Variants in ERC1 observed in about 807,000 individuals in gnomAD.
ERC1 encodes RAB6 interacting protein 2.
ERC1 carries 56 observed loss-of-function variants against 132.0 expected under a neutral mutation model. The ratio of observed to expected loss-of-function variants is 0.42; its 90% CI spans 0.34 to 0.53. ERC1 has a LOEUF of 0.53. Ranked by LOEUF, ERC1 falls within the 20% of genes least tolerant of loss-of-function variation. The pLI is 0.03. For missense variants in ERC1, 1,202 were observed against 1,349.9 expected (o/e 0.89, Z 1.72); for synonymous variants, 478 against 476.1 (o/e 1.00, Z -0.05).
At position 1,106,054 on chromosome 12, in the gene ERC1, C is replaced by T. The variant is rs920435417; in HGVS notation, c.1161+1230C>T. Among the ~76,000 whole-genome samples the T allele has an allele frequency of 3.3e-5, 5 of 152,286 alleles. No individual in the cohort carries two copies. The South Asian group carries it at 6.2e-4, about 19-fold the overall frequency. The stretch of plus-strand genomic sequence containing the variant: ...GGCTGTTCAGTATAGTGATTAAGAG[C>T]TTGCTTTCTAAGTTAAACTCCCTGG... On this transcript the variant is annotated intron_variant, in intron 4 of 18. Transcript: ENST00000360905.
chr12:1,053,455 G>A (rs1972396437), intron 2 of ERC1, among the ~76,000 whole-genome samples: 1 of 152,102 alleles, frequency 6.6e-6, no homozygotes, highest in Non-Finnish European at 1.5e-5. Context: ...TTTTTTCATC[G>A]TGGAGCTAAT....
chr12:1,131,487 A>T (rs1034950657), intron 7 of ERC1, among the ~76,000 whole-genome samples: 2 of 151,856 alleles, frequency 1.3e-5, no homozygotes, highest in Non-Finnish European at 2.9e-5. Context: ...ATTGAGGCAG[A>T]GTCTCTCTCT....
intron 15 of ERC1, among the ~76,000 whole-genome samples, chr12:1,363,796 TC>T (rs1256670487): frequency 6.6e-6 from 1 of 152,166 alleles, no homozygotes; most frequent in African/African-American, 2.4e-5. Context: ...GCTCAAGTGA[TC>T]CACCCGCCTC....
rs575694947 is a variant in ERC1, at chr12:1,164,388, C to T, written c.1738-16152C>T. Among the ~76,000 whole-genome samples, 3 of 151,482 alleles carry T rather than the reference C, an allele frequency of 2.0e-5. No homozygotes were observed. In the South Asian group the frequency reaches 6.3e-4, roughly 32 times the overall value. On this transcript the variant is annotated intron_variant, in intron 8 of 18. Transcript: ENST00000360905. Reference sequence around the variant, plus strand: ...GACGGAGTCTCGCTCTGTTGCCCAGCCTGGAGTGCAGTGGCGCTATCTCAG... The same window carrying T: ...GACGGAGTCTCGCTCTGTTGCCCAGTCTGGAGTGCAGTGGCGCTATCTCAG...
chr12:1,183,361 A>T lies in ERC1; in HGVS notation c.2097A>T (p.Leu699=). 6.2e-7 allele frequency: 1 copy of T among 1,600,340 alleles called. No homozygotes were observed. The highest frequency in any genetic ancestry group is 1.3e-5 in the African/African-American group (1 of 74,924). Residue 699 remains leucine, a synonymous_variant, in exon 11 of 19, where the codon CTA becomes CTT. Coordinates refer to ENST00000360905, the MANE Select transcript of ERC1 (RefSeq NM_178040.4). The part of the protein sequence containing the change: ...GLKKDSRLKT[L]EIALEQKKEE... The stretch of plus-strand genomic sequence containing the variant: ...AAAAGGACTCACGGCTTAAGACACT[A>T]GAGATTGCTTTGGAGCAGAAGAAGG...
chr12:1,004,310 T>C (rs1278239235), intron 1 of ERC1, among the ~76,000 whole-genome samples: 1 of 151,748 alleles, frequency 6.6e-6, no homozygotes, highest in Non-Finnish European at 1.5e-5. Flanking sequence ...ATTGGATGCT[T>C]CCCCCCCTTT....
intron 15 of ERC1, among the ~76,000 whole-genome samples, chr12:1,309,882 T>C (rs2081163169): frequency 6.6e-6 from 1 of 152,186 alleles, no homozygotes; most frequent in Non-Finnish European, 1.5e-5. Flanking sequence ...TTTCCTCGTC[T>C]ATAGAGTGGT....
chr12:1,043,083 G>A (rs1479912879), intron 2 of ERC1, among the ~76,000 whole-genome samples: 5 of 139,144 alleles, frequency 3.6e-5, no homozygotes, highest in African/African-American at 8.2e-5. Flanking sequence ...TTGCTCTCTC[G>A]CCCAGGCTGG....
chr12:1,010,341 C>T (rs1370528675), intron 1 of ERC1, among the ~76,000 whole-genome samples: 6 of 151,430 alleles, frequency 4.0e-5, no homozygotes, highest in African/African-American at 4.8e-5. Flanking sequence ...ATTAGCTGGG[C>T]GTGGTGGCGG....
At chr12:1,018,274 T>C (rs1003915326) in intron 1 of ERC1, among the ~76,000 whole-genome samples, 2 of 152,198 alleles carry the variant, frequency 1.3e-5, no homozygotes, top group African/African-American at 2.4e-5. Context: ...TGGTCTCAGC[T>C]CACTGCAACT....
chr12:1,267,380 G>A (rs2077546386), intron 14 of ERC1, among the ~76,000 whole-genome samples: 1 of 152,194 alleles, frequency 6.6e-6, no homozygotes, highest in Admixed American at 6.5e-5. Context: ...AATTGCCAGG[G>A]GCTAAGGAGC....
intron 15 of ERC1, among the ~76,000 whole-genome samples, chr12:1,329,167 G>A (rs1300886626): frequency 2.7e-5 from 4 of 145,944 alleles, no homozygotes. Context: ...GGTGGCACAT[G>A]CCTGTAATCC....
At chr12:1,270,186 C>T (rs542721318) in intron 14 of ERC1, among the ~76,000 whole-genome samples, 2 of 152,036 alleles carry the variant, frequency 1.3e-5, no homozygotes, top group South Asian at 2.1e-4. Context: ...TGAAACATAC[C>T]GATAGAATTG....
chr12:1,170,659 T>G (rs1352787139), intron 8 of ERC1, among the ~76,000 whole-genome samples: 3 of 152,212 alleles, frequency 2.0e-5, no homozygotes. Context: ...TTTCCATAAT[T>G]ATCTACCAGG....
At chr12:1,468,811 T>C (rs2093799445) in intron 18 of ERC1, among the ~76,000 whole-genome samples, 1 of 152,208 alleles carries the variant, frequency 6.6e-6, no homozygotes, top group Admixed American at 6.5e-5. Flanking sequence ...ATACACATAA[T>C]GAAGCTGAGG....
At chr12:1,078,970 A>G (rs976705358) in intron 2 of ERC1, among the ~76,000 whole-genome samples, 6 of 152,092 alleles carry the variant, frequency 3.9e-5, no homozygotes, top group African/African-American at 1.4e-4. Flanking sequence ...AAAAGTCAAT[A>G]TACAAAGATA....
intron 17 of ERC1, among the ~76,000 whole-genome samples, chr12:1,433,930 G>C (rs2092875883): frequency 7.1e-6 from 1 of 140,336 alleles, no homozygotes; most frequent in Admixed American, 7.7e-5. Context: ...AGTGAGCTGT[G>C]ATCACACCAC....
At chr12:1,015,075 C>CTT (rs35152033) in intron 1 of ERC1, among the ~76,000 whole-genome samples, 22 of 137,362 alleles carry the variant, frequency 1.6e-4, no homozygotes, top group Middle Eastern at 4.5e-3. Flanking sequence ...CTTTTTCTTT[C>CTT]TTTTTTTTTT....
intron 16 of ERC1, chr12:1,390,681 C>G (rs1460899128): frequency 6.6e-6 from 1 of 152,188 alleles, no homozygotes; most frequent in African/African-American, 2.4e-5. Context: ...AAACTGTGGT[C>G]AAACCATGAA....
Sources: gnomAD v4.1 joint callset for allele counts (sites outside exome capture counted in the v4.1 genomes callset) on GRCh38, gnomAD v4.1.1 for gene constraint, MANE v1.5 for transcripts, NCBI Gene and HGNC (gene_info 2026-07-23, HGNC 2026-07-21) for gene names.